CCDC150: variants seen among roughly 807,000 people sequenced by gnomAD.
CCDC150 encodes the protein coiled-coil domain containing 150, also known as coiled-coil domain-containing protein 150.
In CCDC150, 151 loss-of-function variants were observed where a neutral mutation model predicts 156.5. That is an observed-to-expected ratio of 0.97 (90% CI 0.85 to 1.10). The LOEUF (loss-of-function observed/expected upper bound fraction) is 1.10, where lower values mean the gene tolerates loss of function less well. Among genes scored for constraint, CCDC150 ranks in the 50% least tolerant of loss-of-function variants. The pLI is 0.00. For missense variants in CCDC150, 1,312 were observed against 1,268.1 expected, an observed-to-expected ratio of 1.03 and a Z score of -0.53; for synonymous variants, 452 against 429.4, an observed-to-expected ratio of 1.05 and a Z score of -0.65.
At chr2:196,716,362 G>T (rs1697500280) in intron 17 of CCDC150, among the ~76,000 whole-genome samples, 1 of 152,172 alleles carries the variant, frequency 6.6e-6, no homozygotes, top group Non-Finnish European at 1.5e-5. Context: ...CAACTTAAGT[G>T]TCCACCAGGT....
At chr2:196,731,536 A>C (rs1559285381) in intron 26 of CCDC150, among the ~76,000 whole-genome samples, 2 of 150,440 alleles carry the variant, frequency 1.3e-5, no homozygotes, top group African/African-American at 4.9e-5. Context: ...GTAGCTGGGC[A>C]TGGTGGTGCA....
At position 196,672,356 on chromosome 2, in the gene CCDC150, A is replaced by G. The variant is rs1346271541; in HGVS notation, c.948A>G (p.Ile316Met). Residue 316 changes from isoleucine to methionine, a missense_variant, in exon 9 of 28, where the codon ATA (isoleucine) becomes ATG (methionine). Ile to Met is a conservative substitution (Grantham distance 10, BLOSUM62 1). Coordinates refer to ENST00000389175, the MANE Select transcript of CCDC150 (RefSeq NM_001080539.2). ...TTTTTTTCTTATAGAACCTGCAGAT[A>G]TCTTTCAACAAGGAACATGAAGAAA... ...KLVEENKNLQ[I>M]SFNKEHEENA... The G allele has an allele frequency of 2.0e-6, 3 of 1,526,412 alleles. No homozygotes were observed. The highest frequency in any genetic ancestry group is 2.6e-6 in the Non-Finnish European group (3 of 1,138,266). The allele number at this position is 1,526,412 out of a possible 1,614,324, so 94.6% of individuals were successfully genotyped here.
At chr2:196,658,460 T>C (rs1693357687) in intron 4 of CCDC150, among the ~76,000 whole-genome samples, 1 of 152,122 alleles carries the variant, frequency 6.6e-6, no homozygotes, top group Non-Finnish European at 1.5e-5. Context: ...CTTTAAAAAA[T>C]TAAGAATATA....
intron 4 of CCDC150, among the ~76,000 whole-genome samples, chr2:196,658,360 TTAA>T (rs1433406649): frequency 3.3e-5 from 5 of 152,314 alleles, no homozygotes; most frequent in African/African-American, 9.6e-5. Flanking sequence ...GCCATTTATC[TTAA>T]TAAGAAAGAG....
intron 5 of CCDC150, among the ~76,000 whole-genome samples, chr2:196,663,410 T>G (rs1693665185): frequency 6.6e-6 from 1 of 152,220 alleles, no homozygotes; most frequent in Non-Finnish European, 1.5e-5. Flanking sequence ...ATGTTAGTTT[T>G]CATTTATTGG....
intron 24 of CCDC150, 34 bp from the exon 25 acceptor site, chr2:196,729,922 GT>G: frequency 6.2e-7 from 1 of 1,608,184 alleles, no homozygotes; most frequent in Non-Finnish European, 8.5e-7. Context: ...CTTGGAGGGT[GT>G]TCACCAAATG....
chr2:196,688,708 G>C (rs2125639115), intron 13 of CCDC150, among the ~76,000 whole-genome samples: 1 of 152,178 alleles, frequency 6.6e-6, no homozygotes, highest in African/African-American at 2.4e-5. Context: ...TGTTCACTCT[G>C]ATGGTAGTTT....
rs1553567367 is a variant in CCDC150 at position 196,721,361 on chromosome 2, T to TATATATACACACATATATAC, written c.2260-154_2260-153insCACACATATATACATATATA. 2.6e-4 allele frequency among the ~76,000 whole-genome samples: 13 copies of TATATATACACACATATATAC among 49,830 alleles called. 4 individuals carry two copies. Among genetic ancestry groups the TATATATACACACATATATAC allele is most frequent in the Admixed American group, 1.2e-3 (4 of 3,400 alleles). 32.7% of individuals were successfully genotyped at this position (49,830 alleles called of 152,430 possible). ...ATTCATATATGTGTGTGCATATATA[T>TATATATACACACATATATAC]ATATATATTTTCCAGGCAGCTGGAA... On this transcript the variant is annotated intron_variant, in intron 20 of 27. Transcript: ENST00000389175.
At chr2:196,694,468 AG>A (rs1384651462) in intron 13 of CCDC150, among the ~76,000 whole-genome samples, 2 of 152,190 alleles carry the variant, frequency 1.3e-5, no homozygotes, top group Non-Finnish European at 2.9e-5. Flanking sequence ...CCTTTTGCTG[AG>A]GGCAACTAGA....
At chr2:196,708,452 CTT>C (rs1195642372) in intron 15 of CCDC150, among the ~76,000 whole-genome samples, 5 of 152,146 alleles carry the variant, frequency 3.3e-5, no homozygotes, top group Non-Finnish European at 5.9e-5. Context: ...GGTCTTGACT[CTT>C]TATCCAATTT....
chr2:196,651,239 C>A (rs1692855369), intron 2 of CCDC150, among the ~76,000 whole-genome samples: 1 of 152,162 alleles, frequency 6.6e-6, no homozygotes, highest in Non-Finnish European at 1.5e-5. Flanking sequence ...TAATGTGTAT[C>A]CCTTAGCAAA....
At chr2:196,680,139 A>G (rs964010610) in intron 13 of CCDC150, among the ~76,000 whole-genome samples, 18 of 152,172 alleles carry the variant, frequency 1.2e-4, no homozygotes, top group Non-Finnish European at 2.4e-4. Flanking sequence ...GATCAATTTA[A>G]AAAATTTTGT....
At chr2:196,693,137 C>CT (rs1304734222) in intron 13 of CCDC150, among the ~76,000 whole-genome samples, 1 of 152,130 alleles carries the variant, frequency 6.6e-6, no homozygotes, top group East Asian at 1.9e-4. Flanking sequence ...GCAACCCCTG[C>CT]TTTTTTCTGT....
chr2:196,708,025 C>T (rs376617093), intron 15 of CCDC150, among the ~76,000 whole-genome samples: 7 of 152,210 alleles, frequency 4.6e-5, no homozygotes, highest in East Asian at 1.9e-4. Context: ...ATTAGGTCTG[C>T]GTGGTGCAAA....
chr2:196,669,437 C>T (rs1439112685), intron 7 of CCDC150, among the ~76,000 whole-genome samples: 1 of 152,174 alleles, frequency 6.6e-6, no homozygotes, highest in Non-Finnish European at 1.5e-5. Flanking sequence ...ATCTGTTTTT[C>T]CTCTGTGTCT....
At position 196,717,824 on chromosome 2, in the gene CCDC150, G is replaced by C. The variant is rs770352183; in HGVS notation, c.1867-679G>C. Among the ~76,000 whole-genome samples the C allele has an allele frequency of 6.4e-4, 97 of 152,052 alleles. 1 individual carries two copies. The highest frequency in any genetic ancestry group is 1.0e-3 in the Admixed American group (16 of 15,258). On this transcript the variant is annotated intron_variant, in intron 17 of 27. Coordinates refer to ENST00000389175, the MANE Select transcript of CCDC150 (RefSeq NM_001080539.2). ...GAGAATCGCTTGATCCCGGAAGGTG[G>C]AGGTTGCAGTGAGCCCAGATCATGC...
In CCDC150 at chr2:196,646,340, G is replaced by A. The variant is rs1288131238; in HGVS notation, c.13-1G>A. The A allele has an allele frequency of 1.9e-6, 3 of 1,613,206 alleles. No individual in the cohort carries two copies. The highest frequency in any genetic ancestry group is 2.5e-6 in the Non-Finnish European group (3 of 1,179,406). ...CACTAAGATTGTGACTGTATTCTTA[G>A]GTACATATGGAAACTACAGTGTCCA... On this transcript the variant is annotated splice_acceptor_variant, in intron 1 of 27. Transcript: ENST00000389175. LOFTEE classifies it high-confidence loss of function.
chr2:196,657,645 A>T (rs1160690799), intron 4 of CCDC150, among the ~76,000 whole-genome samples: 1 of 152,222 alleles, frequency 6.6e-6, no homozygotes, highest in Admixed American at 6.5e-5. Context: ...GGGTGAAGAC[A>T]TTTCAAGGAG....
intron 13 of CCDC150, among the ~76,000 whole-genome samples, chr2:196,679,359 GT>G (rs1694686868): frequency 6.6e-6 from 1 of 152,046 alleles, no homozygotes; most frequent in Admixed American, 6.5e-5. Context: ...ACAGATCTGT[GT>G]TTTTGTCCCT....
Sources: allele counts gnomAD v4.1 joint callset (sites outside exome capture counted in the v4.1 genomes callset), GRCh38; gene constraint gnomAD v4.1.1; transcripts MANE v1.5; gene names NCBI Gene and HGNC (gene_info 2026-07-23, HGNC 2026-07-21).